KHDRBS2: variants seen among roughly 807,000 people sequenced by gnomAD.
KHDRBS2 encodes the protein KH domain-containing, RNA-binding, signal transduction-associated protein 2.
In KHDRBS2, 26 loss-of-function variants were observed where a neutral mutation model predicts 44.3. The observed-to-expected ratio is 0.59, with a 90% CI of 0.43 to 0.81. The LOEUF (loss-of-function observed/expected upper bound fraction) is 0.81. Among genes scored for constraint, KHDRBS2 ranks in the 40% least tolerant of loss-of-function variants. The pLI, the probability that KHDRBS2 is intolerant of heterozygous loss-of-function variation, is 0.00. For synonymous variants in KHDRBS2, 194 were observed against 151.1 expected, an observed-to-expected ratio of 1.28 and a Z score of -2.08; for missense variants, 476 against 433.1, an observed-to-expected ratio of 1.10 and a Z score of -0.88.
the KHDRBS2 span, among the ~76,000 whole-genome samples, chr6:61,566,805 T>A: frequency 2.4e-3 from 373 of 152,296 alleles, 2 homozygotes; most frequent in African/African-American, 8.6e-3. Flanking sequence ...AAATGGGTGC[T>A]GACACTCACT....
At chr6:62,261,834 T>C (rs1206805018) in intron 1 of KHDRBS2, among the ~76,000 whole-genome samples, 1 of 151,788 alleles carries the variant, frequency 6.6e-6, no homozygotes, top group East Asian at 1.9e-4. Flanking sequence ...GCTCATAAAT[T>C]GTATAATAAT....
intron 6 of KHDRBS2, among the ~76,000 whole-genome samples, chr6:61,802,910 A>G (rs1786516010): frequency 1.3e-5 from 2 of 152,174 alleles, no homozygotes; most frequent in Admixed American, 1.3e-4. Context: ...AGCCATGAGT[A>G]AAAGAGGTAG....
intron 4 of KHDRBS2, among the ~76,000 whole-genome samples, chr6:61,955,105 T>A (rs867655725): frequency 1.4e-5 from 2 of 140,730 alleles, no homozygotes; most frequent in African/African-American, 5.1e-5. Context: ...TATGTATATA[T>A]ACACATATGT....
chr6:61,596,557 T>C, the KHDRBS2 span, among the ~76,000 whole-genome samples: 51 of 152,182 alleles, frequency 3.4e-4, no homozygotes, highest in Non-Finnish European at 6.6e-4. Context: ...CTTTTCCTCA[T>C]TTAGAACATA....
intron 8 of KHDRBS2, among the ~76,000 whole-genome samples, chr6:61,690,709 C>T (rs1418479025): frequency 2.0e-5 from 3 of 150,266 alleles, no homozygotes; most frequent in African/African-American, 7.3e-5. Context: ...TACAAAATAC[C>T]CAGTGTTATA....
intron 2 of KHDRBS2, among the ~76,000 whole-genome samples, chr6:62,068,051 T>A (rs1448763553): frequency 4.6e-5 from 7 of 151,610 alleles, no homozygotes; most frequent in Non-Finnish European, 1.0e-4. Context: ...ATCTCTTATG[T>A]TTAGAAGTGA....
intron 2 of KHDRBS2, among the ~76,000 whole-genome samples, chr6:62,150,549 G>A (rs1345767315): frequency 2.6e-5 from 4 of 152,052 alleles, no homozygotes; most frequent in Non-Finnish European, 5.9e-5. Flanking sequence ...CCCATTTCAG[G>A]GCATAAATAC....
chr6:62,115,795 T>G (rs1394729374), intron 2 of KHDRBS2, among the ~76,000 whole-genome samples: 1 of 152,152 alleles, frequency 6.6e-6, no homozygotes, highest in Non-Finnish European at 1.5e-5. Flanking sequence ...TTTACTTTTT[T>G]AACGTTAATT....
In KHDRBS2 at chr6:61,955,047, T is replaced by TACAC. The variant is rs1165590318; in HGVS notation, c.483+23018_483+23019insGTGT. On this transcript the variant is annotated intron_variant, in intron 4 of 8. Coordinates refer to ENST00000281156, the MANE Select transcript of KHDRBS2 (RefSeq NM_152688.4). ...ATACATATATACATACATGTATGTA[T>TACAC]ACATATATGTATGTATACACATATA... Among the ~76,000 whole-genome samples, 14 of 145,038 alleles carry TACAC rather than the reference T, an allele frequency of 9.7e-5. 1 individual carries two copies. The highest frequency in any genetic ancestry group is 6.2e-4 in the Admixed American group (9 of 14,588).
At chr6:61,656,389 G>A in the KHDRBS2 span, among the ~76,000 whole-genome samples, 2 of 151,864 alleles carry the variant, frequency 1.3e-5, no homozygotes, top group Non-Finnish European at 2.9e-5. Flanking sequence ...GAAGACAAAA[G>A]GACAGAGAGG....
At chr6:61,963,715 G>T (rs1769270786) in intron 4 of KHDRBS2, among the ~76,000 whole-genome samples, 1 of 152,002 alleles carries the variant, frequency 6.6e-6, no homozygotes, top group Non-Finnish European at 1.5e-5. Flanking sequence ...CAGTCTAATT[G>T]GGACACATAG....
In KHDRBS2 at chr6:61,901,265, A is replaced by T. The variant is rs377470580; in HGVS notation, c.590T>A (p.Ile197Lys). 6.2e-7 allele frequency: 1 copy of T among 1,613,778 alleles called. No homozygotes were observed. The highest frequency in any genetic ancestry group is 8.5e-7 in the Non-Finnish European group (1 of 1,179,804). ...GRGIRGRGIR[I>K]APTAPSRGRG... ...GTACCTTGAAGGAGCTGTGGGAGCT[A>T]TTCTGATCCCTCTGCCTCTAATACC... The change falls in exon 5 of 9, where the codon ATA becomes AAA. Residue 197 changes from isoleucine to lysine, a missense_variant. Transcript: ENST00000281156.
At chr6:62,070,790 C>T (rs1794867837) in intron 2 of KHDRBS2, among the ~76,000 whole-genome samples, 1 of 152,138 alleles carries the variant, frequency 6.6e-6, no homozygotes. Flanking sequence ...AATAGTCTCG[C>T]AATAAACATA....
At chr6:61,791,628 C>T (rs1784655295) in intron 6 of KHDRBS2, among the ~76,000 whole-genome samples, 1 of 151,240 alleles carries the variant, frequency 6.6e-6, no homozygotes, top group South Asian at 2.1e-4. Context: ...AACGCATGCG[C>T]TTGAAAAGAA....
chr6:62,024,535 G>C (rs932776940), intron 3 of KHDRBS2, among the ~76,000 whole-genome samples: 1 of 151,170 alleles, frequency 6.6e-6, no homozygotes, highest in African/African-American at 2.4e-5. Context: ...ATTCACCATG[G>C]ATACATTTGA....
At chr6:61,979,894 T>C (rs138538536) in intron 3 of KHDRBS2, among the ~76,000 whole-genome samples, 108 of 152,282 alleles carry the variant, frequency 7.1e-4, no homozygotes, top group African/African-American at 2.4e-3. Flanking sequence ...CACTGTCCCT[T>C]TCTATTACTT....
chr6:61,558,423 A>T, the KHDRBS2 span, among the ~76,000 whole-genome samples: 1 of 151,928 alleles, frequency 6.6e-6, no homozygotes, highest in Non-Finnish European at 1.5e-5. Context: ...TTAGCTGTAC[A>T]TGGTGGTGCA....
chr6:61,739,228 T>C (rs1775814715), intron 6 of KHDRBS2, among the ~76,000 whole-genome samples: 1 of 151,996 alleles, frequency 6.6e-6, no homozygotes, highest in East Asian at 1.9e-4. Context: ...ACAGCACAGA[T>C]AAATGCTTGC....
chr6:61,577,452 T>C, the KHDRBS2 span, among the ~76,000 whole-genome samples: 17 of 152,256 alleles, frequency 1.1e-4, no homozygotes, highest in East Asian at 3.1e-3. Flanking sequence ...TATTTTAGGG[T>C]CACTGATCCA....
Sources: allele counts gnomAD v4.1 joint callset (sites outside exome capture counted in the v4.1 genomes callset), GRCh38; gene constraint gnomAD v4.1.1; transcripts MANE v1.5; gene names NCBI Gene and HGNC (gene_info 2026-07-23, HGNC 2026-07-21).